The following PAX1 variants were observed in gnomAD, a reference collection of about 807,000 sequenced individuals.
The protein encoded by PAX1 is paired box protein Pax-1.
In PAX1, 18 loss-of-function variants were observed where a neutral mutation model predicts 35.6. The observed-to-expected ratio is 0.50, with a 90% confidence interval of 0.35 to 0.75. PAX1 has a LOEUF of 0.75. Ranked by LOEUF, PAX1 falls within the 30% of genes least tolerant of loss-of-function variation. PAX1 has a pLI of 0.01. For missense variants in PAX1, 760 were observed against 661.5 expected, an observed-to-expected ratio of 1.15 and a Z score of -1.63; for synonymous variants, 397 against 305.2, an observed-to-expected ratio of 1.30 and a Z score of -3.14.
At chr20:21,708,511 A>G in intron 2 of PAX1, 47 bp from the exon 3 acceptor site, 1 of 1,610,766 alleles carries the variant, frequency 6.2e-7, no homozygotes, top group Non-Finnish European at 8.5e-7. Context: ...ACGTGTGCCC[A>G]GGGCAGATTC....
rs758378508 is a variant in PAX1, at chr20:21,706,622, C to A, written c.471C>A (p.Thr157=). ...VSKILARYNE[T]GSILPGAIGG... is the part of the protein sequence containing the mutation. ...AGATCCTGGCGCGCTACAACGAGAC[C>A]GGCTCCATTCTGCCCGGGGCCATCG... is the stretch of plus-strand genomic sequence containing the variant. Residue 157 remains threonine, a synonymous_variant, in exon 2 of 5, where the codon ACC becomes ACA. Coordinates refer to ENST00000613128, the MANE Select transcript of PAX1 (RefSeq NM_001257096.2). This position sits in a 1 kb window ranked among gnomAD's most constrained non-coding sequence, Gnocchi z 5.3. 3.1e-6 allele frequency: 5 copies of A among 1,612,182 alleles called. No individual in the cohort carries two copies. The highest frequency in any genetic ancestry group is 3.4e-6 in the Non-Finnish European group (4 of 1,180,020).
intron 2 of PAX1, chr20:21,708,156 G>T: frequency 6.2e-6 from 2 of 320,646 alleles, no homozygotes; most frequent in Non-Finnish European, 6.0e-6. Flanking sequence ...TCGTAGAATC[G>T]TCTCCCTGCC....
intron 4 of PAX1, among the ~76,000 whole-genome samples, chr20:21,712,577 T>C (rs1985230517): frequency 6.6e-6 from 1 of 152,218 alleles, no homozygotes; most frequent in African/African-American, 2.4e-5. Flanking sequence ...CTCAGGGTTT[T>C]AAGTCCCTCC....
chr20:21,705,670 C>T lies in PAX1; in HGVS notation c.-43C>T, dbSNP rs886909721. 5.7e-6 allele frequency: 7 copies of T among 1,222,914 alleles called. No homozygotes were observed. The highest frequency in any genetic ancestry group is 6.2e-6 in the Non-Finnish European group (6 of 971,968). The allele number at this position is 1,222,914 out of a possible 1,614,324, so 75.8% of individuals were successfully genotyped here. On this transcript the variant is annotated 5_prime_UTR_variant, in exon 1 of 5. Coordinates refer to ENST00000613128, the MANE Select transcript of PAX1 (RefSeq NM_001257096.2). ...GTGGAGGACACGTCAAATTGATTCC[C>T]GCACGCTGCAGCCTCCCGGTCAGAC... is the stretch of plus-strand genomic sequence containing the variant.
At chr20:21,707,798 C>G (rs1985065719) in intron 2 of PAX1, among the ~76,000 whole-genome samples, 1 of 152,146 alleles carries the variant, frequency 6.6e-6, no homozygotes, top group Admixed American at 6.5e-5. Flanking sequence ...CTTAGGTGAT[C>G]AGACTCAGGA....
intron 2 of PAX1, among the ~76,000 whole-genome samples, chr20:21,708,020 G>A (rs1246133273): frequency 2.0e-5 from 3 of 152,186 alleles, no homozygotes; most frequent in South Asian, 4.1e-4. Flanking sequence ...CGCAGATCTG[G>A]AGGTTTCCCT....
chr20:21,706,433 C>A lies in PAX1; in HGVS notation c.287-5C>A, dbSNP rs775965792. The A allele has an allele frequency of 1.2e-6, 2 of 1,611,422 alleles. No individual in the cohort carries two copies. The highest frequency in any genetic ancestry group is 1.1e-5 in the South Asian group (1 of 91,082). Reference sequence around the variant, plus strand: ...CCGGCTCACTCTTGTCTGGCGCATCCGCAGAGCAGACGTATGGCGAGGTGA... The same window carrying A: ...CCGGCTCACTCTTGTCTGGCGCATCAGCAGAGCAGACGTATGGCGAGGTGA... On this transcript the variant is annotated splice_region_variant and splice_polypyrimidine_tract_variant and intron_variant, in intron 1 of 4. Coordinates refer to ENST00000613128, the MANE Select transcript of PAX1 (RefSeq NM_001257096.2). The surrounding 1 kb of genome is among the most constrained non-coding windows in gnomAD (Gnocchi z 5.3).
intron 4 of PAX1, among the ~76,000 whole-genome samples, chr20:21,712,180 A>G (rs185646664): frequency 4.6e-5 from 7 of 152,352 alleles, no homozygotes; most frequent in Non-Finnish European, 4.4e-5. Context: ...CCTAAGTGAA[A>G]CTTAATCAAA....
chr20:21,712,755 A>C (rs759546484), intron 4 of PAX1, among the ~76,000 whole-genome samples: 10 of 152,208 alleles, frequency 6.6e-5, no homozygotes, highest in Non-Finnish European at 1.2e-4. Context: ...AAACTTTGTC[A>C]AAGAGCACTA....
Position 21,714,451 on chromosome 20 carries a change from C to T in PAX1, c.1283-20C>T. Reference sequence around the variant, plus strand: ...GCGGCGCTAGGTAGTGATCCGACGCCTCTGTGCTTCCTCCCGCAGTGGCTG... The same window carrying T: ...GCGGCGCTAGGTAGTGATCCGACGCTTCTGTGCTTCCTCCCGCAGTGGCTG... On this transcript the variant is annotated intron_variant, in intron 4 of 4. Transcript: ENST00000613128. 2.6e-6 allele frequency: 4 copies of T among 1,545,490 alleles called. No individual in the cohort carries two copies. The highest frequency in any genetic ancestry group is 1.2e-5 in the South Asian group (1 of 83,792).
chr20:21,709,395 T>A lies in PAX1; in HGVS notation c.1233T>A (p.His411Gln). Reference sequence around the variant, plus strand: ...CCCCCGGGGCCGGCGTAGCTGTGCATGGCGGGGAACTCGCGGCAGCAATGA... The same window carrying A: ...CCCCCGGGGCCGGCGTAGCTGTGCAAGGCGGGGAACTCGCGGCAGCAATGA... ...LAPPGAGVAV[H>Q]GGELAAAMTF... The change falls in exon 4 of 5, where the codon CAT (histidine) becomes CAA (glutamine). Residue 411 changes from histidine (H) to glutamine (Q), a missense_variant. Coordinates refer to ENST00000613128, the MANE Select transcript of PAX1 (RefSeq NM_001257096.2). The A allele has an allele frequency of 6.4e-7, 1 of 1,553,382 alleles. No individual in the cohort carries two copies. The highest frequency in any genetic ancestry group is 8.7e-7 in the Non-Finnish European group (1 of 1,153,758).
intron 3 of PAX1, 115 bp from the exon 4 acceptor site, chr20:21,709,107 G>A: frequency 3.5e-6 from 3 of 854,854 alleles, no homozygotes; most frequent in Middle Eastern, 4.7e-4. Context: ...TGGGGATAAT[G>A]GATGGGCACA....
At chr20:21,711,724 C>T (rs570878161) in intron 4 of PAX1, among the ~76,000 whole-genome samples, 2 of 152,302 alleles carry the variant, frequency 1.3e-5, no homozygotes, top group South Asian at 4.1e-4. Context: ...TAGAAATAAT[C>T]ATTCATTATC....
intron 4 of PAX1, among the ~76,000 whole-genome samples, chr20:21,711,763 T>G (rs1393001723): frequency 2.6e-5 from 4 of 152,220 alleles, no homozygotes; most frequent in African/African-American, 9.6e-5. Flanking sequence ...GAGAATTACA[T>G]ACATGCTTGG....
intron 2 of PAX1, among the ~76,000 whole-genome samples, chr20:21,708,089 G>A (rs1366093897): frequency 6.6e-6 from 1 of 152,210 alleles, no homozygotes; most frequent in Admixed American, 6.5e-5. Context: ...CTGACCCGTG[G>A]GGACAACAAT....
chr20:21,707,079 C>T lies in PAX1; in HGVS notation c.916+12C>T, dbSNP rs773441532. ...TATGGAGCAAACAGGTCAGTTGTGG[C>T]GGCCTCCGTAGCCTTCTATTAAGGG... On this transcript the variant is annotated intron_variant, in intron 2 of 4. Transcript: ENST00000613128. The T allele has an allele frequency of 6.2e-7, 1 of 1,612,940 alleles. No individual in the cohort carries two copies. The highest frequency in any genetic ancestry group is 8.5e-7 in the Non-Finnish European group (1 of 1,179,972).
chr20:21,718,300 C>G lies in PAX1; in HGVS notation c.*3738C>G, dbSNP rs970753373. 3.3e-5 allele frequency: 5 copies of G among 152,140 alleles called. No individual in the cohort carries two copies. The highest frequency in any genetic ancestry group is 7.3e-5 in the Non-Finnish European group (5 of 68,034). 9.4% of individuals were successfully genotyped at this position (152,140 alleles called of 1,614,324 possible). A position where few individuals can be genotyped will look rare whatever the true frequency, so the allele number is the denominator to read the frequency against. ...GCAAGAGGCATGAAGTTTTGCCCTT[C>G]TTGAATATGCCCCGAGTTGTTCTAC... is the stretch of plus-strand genomic sequence containing the variant. On this transcript the variant is annotated 3_prime_UTR_variant, in exon 5 of 5. Transcript: ENST00000613128.
chr20:21,711,774 G>A (rs556971009), intron 4 of PAX1, among the ~76,000 whole-genome samples: 33 of 152,272 alleles, frequency 2.2e-4, no homozygotes, highest in African/African-American at 7.2e-4. Context: ...ACATGCTTGG[G>A]TTATGGATTT....
chr20:21,710,635 A>G (rs1410202869), intron 4 of PAX1, among the ~76,000 whole-genome samples: 4 of 151,538 alleles, frequency 2.6e-5, no homozygotes, highest in Non-Finnish European at 4.4e-5. Context: ...CTGCCCAGGC[A>G]AAAAGTGCTA....
Sources: gnomAD v4.1 joint callset for allele counts (sites outside exome capture counted in the v4.1 genomes callset) on GRCh38, gnomAD v4.1.1 for gene constraint, Gnocchi (gnomAD v3.1) non-coding constraint, MANE v1.5 for transcripts, NCBI Gene and HGNC (gene_info 2026-07-23, HGNC 2026-07-21) for gene names.